GTF2IRD1: variants seen among roughly 807,000 people sequenced by gnomAD.
GTF2IRD1 encodes the protein GTF2I repeat domain containing 1.
Under a neutral mutation model 113.2 loss-of-function variants are expected in GTF2IRD1, and 26 were observed. That is an observed-to-expected ratio of 0.23 (90% CI 0.17 to 0.32). The LOEUF (loss-of-function observed/expected upper bound fraction) is 0.32. Ranked by LOEUF, GTF2IRD1 falls within the 10% of genes least tolerant of loss-of-function variation. The pLI is 1.00. For synonymous variants in GTF2IRD1, 484 were observed against 529.1 expected, an observed-to-expected ratio of 0.91 and a Z score of 1.17; for missense variants, 864 against 1,280.8, an observed-to-expected ratio of 0.67 and a Z score of 4.97.
chr7:74,494,830 TAG>T (rs1386103734), intron 1 of GTF2IRD1, among the ~76,000 whole-genome samples: 2 of 152,204 alleles, frequency 1.3e-5, no homozygotes, highest in African/African-American at 4.8e-5. Context: ...CAGTTCACTG[TAG>T]CCTCCACTTC....
At chr7:74,549,258 G>A (rs1249236935) in intron 17 of GTF2IRD1, among the ~76,000 whole-genome samples, 4 of 149,078 alleles carry the variant, frequency 2.7e-5, no homozygotes, top group Non-Finnish European at 4.4e-5. Context: ...AGCTGAGATC[G>A]TACCACGACA....
Position 74,584,314 on chromosome 7 carries a change from G to A in GTF2IRD1, c.2321-5537G>A, listed in dbSNP as rs587648279. 5.3e-5 allele frequency among the ~76,000 whole-genome samples: 8 copies of A among 152,160 alleles called. No individual in the cohort carries two copies. The South Asian group carries it at 6.2e-4, about 12-fold the overall frequency. ...CAAAAAATTAGCCAGGTGTGGTGGC[G>A]GGTACCTGTAATCCCAGCTACTCTG... On this transcript the variant is annotated intron_variant, in intron 22 of 26. Coordinates refer to ENST00000424337, the MANE Select transcript of GTF2IRD1 (RefSeq NM_005685.4).
At chr7:74,535,204 C>T (rs967073266) in intron 10 of GTF2IRD1, 66 bp downstream of exon 10, 10 of 1,308,858 alleles carry the variant, frequency 7.6e-6, no homozygotes, top group African/African-American at 2.9e-5. Context: ...ACCCGAGCTG[C>T]CACCACCCTG....
intron 4 of GTF2IRD1, among the ~76,000 whole-genome samples, chr7:74,516,186 G>T (rs1025285151): frequency 6.6e-6 from 1 of 152,172 alleles, no homozygotes; most frequent in Non-Finnish European, 1.5e-5. Flanking sequence ...CCTGTGTCTG[G>T]CAGACACCTG....
chr7:74,471,804 C>T (rs564278983), intron 1 of GTF2IRD1, among the ~76,000 whole-genome samples: 1 of 151,212 alleles, frequency 6.6e-6, no homozygotes, highest in Admixed American at 6.6e-5. Context: ...CCATCCTGGC[C>T]AATGTGGTGA....
At chr7:74,516,523 C>T (rs148769662) in intron 4 of GTF2IRD1, among the ~76,000 whole-genome samples, 1 of 152,362 alleles carries the variant, frequency 6.6e-6, no homozygotes, top group African/African-American at 2.4e-5. Flanking sequence ...TGGGAAACAT[C>T]GGGCAGGTCC....
chr7:74,467,962 T>A (rs1331094794), intron 1 of GTF2IRD1, among the ~76,000 whole-genome samples: 2 of 152,222 alleles, frequency 1.3e-5, no homozygotes, highest in Non-Finnish European at 2.9e-5. Flanking sequence ...TAGACACACA[T>A]GCTTGTGTGC....
At chr7:74,489,888 G>A (rs1348835497) in intron 1 of GTF2IRD1, among the ~76,000 whole-genome samples, 2 of 152,166 alleles carry the variant, frequency 1.3e-5, no homozygotes, top group African/African-American at 2.4e-5. Flanking sequence ...AGGACACAAC[G>A]GGGGGATTCT....
intron 24 of GTF2IRD1, 105 bp downstream of exon 24, chr7:74,591,122 G>C (rs1248358719): frequency 1.6e-6 from 1 of 614,206 alleles, no homozygotes; most frequent in Non-Finnish European, 2.8e-6. Flanking sequence ...CAGGTGTACT[G>C]TAATAGTTCC....
chr7:74,521,166 TG>T (rs1331930666), intron 6 of GTF2IRD1, 41 bp from the exon 7 acceptor site: 1 of 1,196,612 alleles, frequency 8.4e-7, no homozygotes, highest in Non-Finnish European at 1.2e-6. Context: ...GGAACCCTCT[TG>T]GGTCCCACCT....
intron 2 of GTF2IRD1, among the ~76,000 whole-genome samples, chr7:74,509,818 C>T (rs1265363301): frequency 6.6e-6 from 1 of 151,632 alleles, no homozygotes; most frequent in Non-Finnish European, 1.5e-5. Context: ...GACTACAGGC[C>T]CCCACCACCA....
chr7:74,551,601 G>C (rs1799310519), intron 17 of GTF2IRD1, among the ~76,000 whole-genome samples: 1 of 152,136 alleles, frequency 6.6e-6, no homozygotes. Context: ...TGACATTGAA[G>C]CGGTGACCCA....
intron 9 of GTF2IRD1, among the ~76,000 whole-genome samples, chr7:74,530,424 C>A (rs1281151189): frequency 6.6e-6 from 1 of 151,340 alleles, no homozygotes; most frequent in East Asian, 1.9e-4. Context: ...GTGGCCTATT[C>A]CTTCTGGGCC....
intron 22 of GTF2IRD1, among the ~76,000 whole-genome samples, chr7:74,580,723 A>G (rs1192882536): frequency 6.6e-6 from 1 of 152,102 alleles, no homozygotes; most frequent in African/African-American, 2.4e-5. Context: ...AAAAATGTCA[A>G]GGGAAGGCCT....
At chr7:74,513,036 T>G in intron 3 of GTF2IRD1, 65 bp downstream of exon 3, 1 of 1,510,550 alleles carries the variant, frequency 6.6e-7, no homozygotes. Flanking sequence ...CTCTAGCCCA[T>G]CTCTGGGTCC....
intron 10 of GTF2IRD1, 46 bp downstream of exon 10, chr7:74,535,184 C>T (rs782270090): frequency 5.8e-6 from 9 of 1,542,650 alleles, no homozygotes; most frequent in Non-Finnish European, 8.1e-6. Context: ...CGGATTGGTT[C>T]CCCAACAGAA....
intron 1 of GTF2IRD1, among the ~76,000 whole-genome samples, chr7:74,464,863 C>A (rs558411029): frequency 6.6e-6 from 1 of 152,306 alleles, no homozygotes; most frequent in African/African-American, 2.4e-5. Flanking sequence ...CCTCCCACCC[C>A]TACCGGGTTC....
Position 74,540,656 on chromosome 7 carries a change from T to C in GTF2IRD1, c.1618+688T>C, listed in dbSNP as rs587763576. On this transcript the variant is annotated intron_variant, in intron 14 of 26. Transcript: ENST00000424337. Reference sequence around the variant, plus strand: ...AAGAGATAGATGGATAGTACGCAAATAAGTAAAATAGGCAGGGTAAGGTGG... The same window carrying C: ...AAGAGATAGATGGATAGTACGCAAACAAGTAAAATAGGCAGGGTAAGGTGG... 7.3e-5 allele frequency among the ~76,000 whole-genome samples: 11 copies of C among 151,688 alleles called. No individual in the cohort carries two copies. In the South Asian group the frequency reaches 1.3e-3, roughly 17 times the overall value.
rs1799520478 is a variant in GTF2IRD1, at chr7:74,555,194, G to A, written c.1937G>A (p.Gly646Glu). 1 of 1,613,736 alleles carries A rather than the reference G, an allele frequency of 6.2e-7. No homozygotes were observed. The highest frequency in any genetic ancestry group is 8.5e-7 in the Non-Finnish European group (1 of 1,179,948). ...VIKRPELLTE[G>E]VKEPIMDSQE... ...TCCAGGCCCGAGCTGCTCACTGAGG[G>A]AGTCAAAGAGCCCATCATGGATAGT... Residue 646 changes from glycine (G) to glutamate (E), a missense_variant, in exon 18 of 27, where the codon GGA becomes GAA. Coordinates refer to ENST00000424337, the MANE Select transcript of GTF2IRD1 (RefSeq NM_005685.4). This position sits in a 1 kb window ranked among gnomAD's most constrained non-coding sequence, Gnocchi z 5.3.
Sources: allele counts gnomAD v4.1 joint callset (sites outside exome capture counted in the v4.1 genomes callset), GRCh38; gene constraint gnomAD v4.1.1; non-coding constraint Gnocchi (gnomAD v3.1); transcripts MANE v1.5; gene names NCBI Gene and HGNC (gene_info 2026-07-23, HGNC 2026-07-21).